Variants in NEURL1 observed in about 807,000 individuals in gnomAD.
NEURL1 encodes the protein neuralized E3 ubiquitin protein ligase 1.
In NEURL1, 26 loss-of-function variants were observed where a neutral mutation model predicts 41.2. That is an observed-to-expected ratio of 0.63 (90% CI 0.46 to 0.87). The LOEUF (loss-of-function observed/expected upper bound fraction) is 0.87, where lower values mean the gene tolerates loss of function less well. NEURL1 is among the 40% of genes least tolerant of loss of function. NEURL1 has a pLI of 0.00. For synonymous variants in NEURL1, 400 were observed against 402.3 expected, an observed-to-expected ratio of 0.99 and a Z score of 0.07; for missense variants, 761 against 871.1, an observed-to-expected ratio of 0.87 and a Z score of 1.59.
chr10:103,537,226 A>T (rs2034711769), intron 1 of NEURL1, among the ~76,000 whole-genome samples: 1 of 152,144 alleles, frequency 6.6e-6, no homozygotes, highest in Non-Finnish European at 1.5e-5. Context: ...TGCTATGAAC[A>T]TGGGTTTATG....
intron 1 of NEURL1, among the ~76,000 whole-genome samples, chr10:103,523,761 A>C (rs1160600671): frequency 6.6e-6 from 1 of 152,164 alleles, no homozygotes; most frequent in Non-Finnish European, 1.5e-5. Context: ...TCATATTGCC[A>C]TGAATGACAG....
At chr10:103,583,693 A>G (rs1270484724) in intron 3 of NEURL1, among the ~76,000 whole-genome samples, 12 of 124,968 alleles carry the variant, frequency 9.6e-5, no homozygotes, top group South Asian at 3.2e-4. Context: ...GCCACAGAGC[A>G]AGATCCTGTC....
intron 1 of NEURL1, among the ~76,000 whole-genome samples, chr10:103,544,216 C>T (rs1269123660): frequency 6.6e-6 from 1 of 152,174 alleles, no homozygotes; most frequent in Admixed American, 6.5e-5. Context: ...GATGGGGAAT[C>T]TGGGCTGACA....
chr10:103,573,966 C>T (rs954687286), intron 3 of NEURL1, among the ~76,000 whole-genome samples: 2 of 152,214 alleles, frequency 1.3e-5, no homozygotes, highest in African/African-American at 4.8e-5. Context: ...TCCGTCCATA[C>T]GTCCACTTCC....
intron 1 of NEURL1, among the ~76,000 whole-genome samples, chr10:103,553,990 G>A (rs1045714473): frequency 6.6e-6 from 1 of 152,200 alleles, no homozygotes; most frequent in East Asian, 1.9e-4. Flanking sequence ...GACCTGCTGG[G>A]TAACCTCACG....
chr10:103,561,014 G>A (rs1005464176), intron 1 of NEURL1, among the ~76,000 whole-genome samples: 1 of 152,224 alleles, frequency 6.6e-6, no homozygotes, highest in African/African-American at 2.4e-5. Flanking sequence ...CTTCATGTCT[G>A]TCATGAGGTT....
intron 1 of NEURL1, among the ~76,000 whole-genome samples, chr10:103,502,026 TG>T (rs2133844455): frequency 6.6e-6 from 1 of 152,338 alleles, no homozygotes; most frequent in Non-Finnish European, 1.5e-5. Context: ...TTCAGCCTCC[TG>T]AGTAACTGGG....
intron 1 of NEURL1, among the ~76,000 whole-genome samples, chr10:103,502,094 C>T (rs534779404): frequency 6.6e-6 from 1 of 152,298 alleles, no homozygotes; most frequent in African/African-American, 2.4e-5. Flanking sequence ...ATACACGAGA[C>T]AGCTGAGATT....
intron 1 of NEURL1, among the ~76,000 whole-genome samples, chr10:103,511,223 AG>A (rs959929003): frequency 4.6e-5 from 7 of 152,144 alleles, no homozygotes; most frequent in African/African-American, 1.4e-4. Context: ...ACTTGAGAAG[AG>A]GGGGAACTTT....
Position 103,558,867 on chromosome 10 carries a change from C to T in NEURL1, c.86-12005C>T, listed in dbSNP as rs917625666. On this transcript the variant is annotated intron_variant, in intron 1 of 5. Coordinates refer to ENST00000369780, the MANE Select transcript of NEURL1 (RefSeq NM_004210.5). This position sits in a 1 kb window ranked among gnomAD's most constrained non-coding sequence, Gnocchi z 4.2. ...GGGCAAGGAAGGGACCCCTTGCTGACGGCTGATGTGTGGGTGACACACGCA... is the reference window on the plus strand; with the variant it reads ...GGGCAAGGAAGGGACCCCTTGCTGATGGCTGATGTGTGGGTGACACACGCA... Among the ~76,000 whole-genome samples the T allele has an allele frequency of 3.9e-5, 6 of 152,146 alleles. No homozygotes were observed. The highest frequency in any genetic ancestry group is 2.4e-5 in the African/African-American group (1 of 41,424).
intron 1 of NEURL1, among the ~76,000 whole-genome samples, chr10:103,541,990 G>A (rs1193332860): frequency 1.3e-5 from 2 of 152,132 alleles, no homozygotes; most frequent in African/African-American, 4.8e-5. Context: ...AAAGGAGAAC[G>A]ACCCCTATGT....
At chr10:103,535,184 G>A (rs2034664728) in intron 1 of NEURL1, among the ~76,000 whole-genome samples, 1 of 152,166 alleles carries the variant, frequency 6.6e-6, no homozygotes, top group African/African-American at 2.4e-5. Flanking sequence ...GAAAGGTGGG[G>A]CACAGCTGTT....
intron 1 of NEURL1, among the ~76,000 whole-genome samples, chr10:103,565,720 T>C (rs2035408862): frequency 6.6e-6 from 1 of 152,208 alleles, no homozygotes; most frequent in African/African-American, 2.4e-5. Flanking sequence ...GCAATGGTGC[T>C]CTCACGGCTC....
intron 1 of NEURL1, among the ~76,000 whole-genome samples, chr10:103,530,975 C>A (rs2034558597): frequency 6.6e-6 from 1 of 152,086 alleles, no homozygotes; most frequent in Non-Finnish European, 1.5e-5. Context: ...ATAATCCCAG[C>A]ACTTTGGGAG....
At position 103,537,884 on chromosome 10, in the gene NEURL1, C is replaced by G. The variant is rs369838820; in HGVS notation, c.86-32988C>G. On this transcript the variant is annotated intron_variant, in intron 1 of 5. Transcript: ENST00000369780. ...GTTCCCTTGTGCCTTAAATAATCCC[C>G]TCTCCTACTCCTCCCTGCTGCACCC... is the stretch of plus-strand genomic sequence containing the variant. Among the ~76,000 whole-genome samples the G allele has an allele frequency of 2.6e-5, 4 of 152,052 alleles. No homozygotes were observed. In the East Asian group the frequency reaches 7.7e-4, roughly 29 times the overall value.
intron 1 of NEURL1, among the ~76,000 whole-genome samples, chr10:103,563,161 C>T (rs992271841): frequency 2.0e-5 from 3 of 152,218 alleles, no homozygotes; most frequent in South Asian, 2.1e-4. Flanking sequence ...TGAAATGAGC[C>T]GATCATTTCC....
At chr10:103,582,075 G>A (rs956583749) in intron 3 of NEURL1, among the ~76,000 whole-genome samples, 2 of 152,140 alleles carry the variant, frequency 1.3e-5, no homozygotes, top group Admixed American at 1.3e-4. Flanking sequence ...AGCCCCAGGA[G>A]CTCTGGACTG....
At chr10:103,567,728 C>T (rs1483554178) in intron 1 of NEURL1, among the ~76,000 whole-genome samples, 1 of 152,138 alleles carries the variant, frequency 6.6e-6, no homozygotes, top group African/African-American at 2.4e-5. Context: ...ATAACAAAGG[C>T]CTTGCAGTCA....
At chr10:103,542,361 G>T (rs2034837690) in intron 1 of NEURL1, among the ~76,000 whole-genome samples, 1 of 152,184 alleles carries the variant, frequency 6.6e-6, no homozygotes, top group Non-Finnish European at 1.5e-5. Context: ...CTGAGCTAAA[G>T]CGACCCTCTC....
Sources: allele counts gnomAD v4.1 joint callset (sites outside exome capture counted in the v4.1 genomes callset), GRCh38; gene constraint gnomAD v4.1.1; non-coding constraint Gnocchi (gnomAD v3.1); transcripts MANE v1.5; gene names NCBI Gene and HGNC (gene_info 2026-07-23, HGNC 2026-07-21).